The following STK3 variants were observed in gnomAD, a reference collection of about 807,000 sequenced individuals.
STK3 encodes the protein serine/threonine-protein kinase 3.
A neutral mutation model predicts 58.0 loss-of-function variants in STK3; 41 were observed. The observed-to-expected ratio is 0.71, with a 90% confidence interval of 0.55 to 0.92. The LOEUF (loss-of-function observed/expected upper bound fraction) is 0.92, where lower values mean the gene tolerates loss of function less well. Ranked by LOEUF, STK3 falls within the 40% of genes least tolerant of loss-of-function variation. The pLI is 0.00. For synonymous variants in STK3, 170 were observed against 191.0 expected (o/e 0.89, Z 0.91); for missense variants, 479 against 602.7 (o/e 0.79, Z 2.15).
chr8:98,617,568 A>G (rs907608020), intron 6 of STK3, among the ~76,000 whole-genome samples: 3 of 152,030 alleles, frequency 2.0e-5, no homozygotes, highest in African/African-American at 4.8e-5. Context: ...ACCGCTAGCA[A>G]GACTAACAAA....
intron 3 of STK3, among the ~76,000 whole-genome samples, chr8:98,763,052 A>G (rs936787958): frequency 2.6e-5 from 4 of 152,212 alleles, no homozygotes; most frequent in African/African-American, 9.6e-5. Flanking sequence ...TCAAATAAAA[A>G]TTTCAAAAGA....
chr8:98,547,207 G>A (rs1298611002), intron 9 of STK3, among the ~76,000 whole-genome samples: 1 of 152,140 alleles, frequency 6.6e-6, no homozygotes, highest in Non-Finnish European at 1.5e-5. Context: ...ACAGGACTAG[G>A]GTAGGAGCAT....
intron 10 of STK3, among the ~76,000 whole-genome samples, chr8:98,495,175 G>T (rs1229674816): frequency 6.6e-6 from 1 of 152,072 alleles, no homozygotes; most frequent in African/African-American, 2.4e-5. Flanking sequence ...ATGAGAGTCA[G>T]GACTCTCAAA....
intron 3 of STK3, among the ~76,000 whole-genome samples, chr8:98,865,239 A>C (rs1416563933): frequency 6.6e-6 from 1 of 152,210 alleles, no homozygotes; most frequent in Non-Finnish European, 1.5e-5. Flanking sequence ...AAACTTTCTT[A>C]ACAATTAGGT....
At chr8:98,589,735 C>T (rs896474313) in intron 7 of STK3, among the ~76,000 whole-genome samples, 3 of 152,184 alleles carry the variant, frequency 2.0e-5, no homozygotes, top group Non-Finnish European at 4.4e-5. Context: ...GACTGCTGTG[C>T]TAGCAATCAG....
the STK3 span, among the ~76,000 whole-genome samples, chr8:98,354,111 A>G: frequency 1.3e-5 from 2 of 152,136 alleles, no homozygotes; most frequent in African/African-American, 4.8e-5. Context: ...GAAAGCCCCC[A>G]CTGGAAAGAA....
intron 1 of STK3, among the ~76,000 whole-genome samples, chr8:98,794,476 T>C (rs1166335926): frequency 1.3e-5 from 2 of 152,004 alleles, no homozygotes; most frequent in East Asian, 3.8e-4. Flanking sequence ...CAGGAAGAAA[T>C]AGAAACCCTG....
chr8:98,622,566 A>C (rs1818411196), intron 6 of STK3, among the ~76,000 whole-genome samples: 1 of 152,218 alleles, frequency 6.6e-6, no homozygotes, highest in African/African-American at 2.4e-5. Flanking sequence ...AAGGGTCTGT[A>C]AAAAATCAAA....
chr8:98,807,982 A>G (rs1327394518), intron 1 of STK3, among the ~76,000 whole-genome samples: 2 of 152,262 alleles, frequency 1.3e-5, no homozygotes, highest in Admixed American at 6.5e-5. Context: ...ACACTCGTAG[A>G]AACAGATTTT....
intron 3 of STK3, among the ~76,000 whole-genome samples, chr8:98,842,187 A>C (rs187141791): frequency 2.9e-4 from 44 of 152,312 alleles, no homozygotes; most frequent in Non-Finnish European, 5.9e-5. Context: ...CAATATTTAA[A>C]ATTTTTAAAT....
intron 10 of STK3, among the ~76,000 whole-genome samples, chr8:98,470,034 A>G (rs1820799335): frequency 1.3e-5 from 2 of 152,250 alleles, no homozygotes; most frequent in Admixed American, 6.5e-5. Flanking sequence ...CTGAGCTGCT[A>G]GTACCTGGTA....
At chr8:98,699,691 G>A (rs1315669246) in intron 6 of STK3, among the ~76,000 whole-genome samples, 3 of 152,262 alleles carry the variant, frequency 2.0e-5, no homozygotes, top group South Asian at 2.1e-4. Context: ...TTCATGAACC[G>A]CGAATGCTGC....
intron 4 of STK3, among the ~76,000 whole-genome samples, chr8:98,737,739 A>C (rs1828729874): frequency 6.6e-6 from 1 of 151,860 alleles, no homozygotes; most frequent in African/African-American, 2.4e-5. Context: ...ATGGAGTTTC[A>C]CTCTTTCGCC....
intron 1 of STK3, among the ~76,000 whole-genome samples, chr8:98,895,988 A>T (rs367793380): frequency 6.6e-5 from 10 of 152,184 alleles, no homozygotes; most frequent in African/African-American, 2.4e-4. Context: ...CTAGATGATA[A>T]ATTAATTTGA....
chr8:98,841,387 C>T (rs984906841), intron 3 of STK3, among the ~76,000 whole-genome samples: 5 of 152,048 alleles, frequency 3.3e-5, no homozygotes. Context: ...GAATTATGTA[C>T]AGTTTATTGT....
At chr8:98,937,695 C>T (rs1047649580) in intron 1 of STK3, among the ~76,000 whole-genome samples, 2 of 152,176 alleles carry the variant, frequency 1.3e-5, no homozygotes, top group Admixed American at 6.5e-5. Context: ...CCTTATTAGT[C>T]GGTACTTCAC....
At chr8:98,566,895 C>T (rs1470158161) in intron 8 of STK3, among the ~76,000 whole-genome samples, 1 of 152,122 alleles carries the variant, frequency 6.6e-6, no homozygotes, top group African/African-American at 2.4e-5. Context: ...TAAAACTTTC[C>T]GCCATATCCT....
intron 6 of STK3, among the ~76,000 whole-genome samples, chr8:98,606,884 C>T (rs1416754246): frequency 6.6e-6 from 1 of 152,168 alleles, no homozygotes; most frequent in Non-Finnish European, 1.5e-5. Flanking sequence ...AGCAAGTTAT[C>T]AAACCTGAGG....
chr8:98,908,921 C>G (rs1046987017), intron 1 of STK3, among the ~76,000 whole-genome samples: 1 of 150,290 alleles, frequency 6.7e-6, no homozygotes, highest in African/African-American at 2.5e-5. Context: ...TTTGGGAGGC[C>G]GAAGTGGGCA....
Sources: allele counts gnomAD v4.1 joint callset (sites outside exome capture counted in the v4.1 genomes callset), GRCh38; gene constraint gnomAD v4.1.1; transcripts MANE v1.5; gene names NCBI Gene and HGNC (gene_info 2026-07-23, HGNC 2026-07-21).